RMDN2: variants seen among roughly 807,000 people sequenced by gnomAD.
RMDN2 encodes regulator of microtubule dynamics 2, also known as regulator of microtubule dynamics protein 2.
Under a neutral mutation model 52.8 loss-of-function variants are expected in RMDN2, and 61 were observed. The observed-to-expected ratio is 1.16, with a 90% CI of 0.94 to 1.43. The LOEUF (loss-of-function observed/expected upper bound fraction) is 1.43, where lower values mean the gene tolerates loss of function less well. Among genes scored for constraint, RMDN2 ranks in the 40% most tolerant of loss-of-function variants. The pLI, the probability that RMDN2 is intolerant of heterozygous loss-of-function variation, is 0.00. For synonymous variants in RMDN2, 180 were observed against 153.1 expected, an observed-to-expected ratio of 1.18 and a Z score of -1.30; for missense variants, 592 against 475.3, an observed-to-expected ratio of 1.25 and a Z score of -2.28.
upstream of RMDN2, among the ~76,000 whole-genome samples, chr2:37,921,519 G>A (rs1666031209): frequency 6.6e-6 from 1 of 152,160 alleles, no homozygotes; most frequent in Non-Finnish European, 1.5e-5. Context: ...CCCCCCATGG[G>A]GCAAATGATC....
intron 2 of RMDN2, among the ~76,000 whole-genome samples, chr2:37,940,929 C>T (rs1231363158): frequency 1.3e-5 from 2 of 152,122 alleles, no homozygotes; most frequent in African/African-American, 4.8e-5. Flanking sequence ...AGTTTTGTTC[C>T]CTTGCTGGTG....
chr2:37,996,459 C>T (rs1198646063), intron 7 of RMDN2, among the ~76,000 whole-genome samples: 1 of 151,852 alleles, frequency 6.6e-6, no homozygotes, highest in East Asian at 1.9e-4. Flanking sequence ...GTGATGCACA[C>T]CTGTAGTTCC....
rs1666554999 is a variant in RMDN2, at chr2:37,929,574, T to C, written c.297T>C (p.Ala99=). The C allele has an allele frequency of 6.4e-7, 1 of 1,551,796 alleles. No individual in the cohort carries two copies. The highest frequency in any genetic ancestry group is 2.0e-5 in the Admixed American group (1 of 50,990). ...LKEEIRFLKE[A]IPKLEEYIQD... ...AGGAAATCAGATTTCTTAAAGAAGC[T>C]ATTCCAAAGCTGGAGGAATATATAC... Residue 99 remains alanine (A), a synonymous_variant, in exon 2 of 11, where the codon GCT becomes GCC. Coordinates refer to ENST00000354545, the MANE Select transcript of RMDN2 (RefSeq NM_001170791.3).
upstream of RMDN2, among the ~76,000 whole-genome samples, chr2:37,922,218 T>C (rs568105149): frequency 1.4e-4 from 21 of 152,310 alleles, no homozygotes; most frequent in African/African-American, 4.6e-4. Context: ...GGGGATTTCA[T>C]AGTGGTACTA....
At chr2:37,921,901 G>C (rs1213635508), upstream of RMDN2, among the ~76,000 whole-genome samples, 2 of 152,168 alleles carry the variant, frequency 1.3e-5, no homozygotes, top group Non-Finnish European at 2.9e-5. Flanking sequence ...CTTGAAAACT[G>C]TGTAGAAGAC....
chr2:37,931,829 G>A (rs975440456), intron 2 of RMDN2, among the ~76,000 whole-genome samples: 3 of 152,168 alleles, frequency 2.0e-5, no homozygotes, highest in African/African-American at 4.8e-5. Context: ...ACTGATGTCA[G>A]GAGAGACATT....
intron 1 of RMDN2, 183 bp from the exon 2 acceptor site, chr2:37,929,079 G>A (rs776948419): frequency 1.5e-5 from 7 of 462,030 alleles, no homozygotes; most frequent in Non-Finnish European, 1.9e-5. Context: ...ATTCTTCATT[G>A]TAATCTAAGA....
chr2:37,946,553 G>T (rs1412393357), intron 2 of RMDN2, among the ~76,000 whole-genome samples: 14 of 152,174 alleles, frequency 9.2e-5, no homozygotes, highest in Admixed American at 9.2e-4. Context: ...TGAAGTATTT[G>T]CATTAATGAT....
intron 2 of RMDN2, among the ~76,000 whole-genome samples, chr2:37,945,349 C>G (rs912996357): frequency 6.6e-6 from 1 of 152,206 alleles, no homozygotes; most frequent in Non-Finnish European, 1.5e-5. Flanking sequence ...ACAGTGGTAA[C>G]AAAGCCCTTG....
chr2:38,025,074 A>G (rs1679676796), intron 10 of RMDN2, among the ~76,000 whole-genome samples: 2 of 152,070 alleles, frequency 1.3e-5, no homozygotes, highest in African/African-American at 4.8e-5. Flanking sequence ...AGTGGTTGTG[A>G]TTTTTGATTG....
intron 10 of RMDN2, among the ~76,000 whole-genome samples, chr2:38,032,017 C>T (rs1680245176): frequency 6.6e-6 from 1 of 152,010 alleles, no homozygotes; most frequent in East Asian, 1.9e-4. Flanking sequence ...AGTGAGTGCT[C>T]TCTCTCTCTC....
intron 10 of RMDN2, among the ~76,000 whole-genome samples, chr2:38,037,814 C>T (rs1290589079): frequency 6.6e-6 from 1 of 152,202 alleles, no homozygotes; most frequent in Admixed American, 6.5e-5. Context: ...ATCCATTCCA[C>T]AAGGCCGTGA....
intron 2 of RMDN2, among the ~76,000 whole-genome samples, chr2:37,930,009 C>G (rs577175252): frequency 6.6e-6 from 1 of 152,240 alleles, no homozygotes; most frequent in Admixed American, 6.5e-5. Context: ...AGTGTATAAC[C>G]TACTGTTTTA....
At chr2:37,965,099 T>A (rs1670857755) in intron 2 of RMDN2, among the ~76,000 whole-genome samples, 1 of 152,170 alleles carries the variant, frequency 6.6e-6, no homozygotes, top group African/African-American at 2.4e-5. Context: ...TCCTTCCATA[T>A]TCAACATATG....
chr2:37,936,403 A>G (rs1667290259), intron 2 of RMDN2, among the ~76,000 whole-genome samples: 1 of 152,184 alleles, frequency 6.6e-6, no homozygotes, highest in Non-Finnish European at 1.5e-5. Flanking sequence ...CTTTGGGTAT[A>G]TACCCCGTAA....
rs1287523645 is a variant in RMDN2, at chr2:37,974,894, A to G, written c.628-318A>G. The G allele has an allele frequency of 2.4e-5, 6 of 254,318 alleles. No homozygotes were observed. The South Asian group carries it at 3.5e-4, about 15-fold the overall frequency. The allele number at this position is 254,318 out of a possible 1,614,324, so 15.8% of individuals were successfully genotyped here. A position where few individuals can be genotyped will look rare whatever the true frequency, so the allele number is the denominator to read the frequency against. On this transcript the variant is annotated intron_variant, in intron 3 of 10. Coordinates refer to ENST00000354545, the MANE Select transcript of RMDN2 (RefSeq NM_001170791.3). ...AATAGATAACTTGGAAAGGAAAAGA[A>G]GAAAAGGATGCCACAGCTCAGGAAG...
chr2:37,959,155 T>A (rs1237408252), intron 2 of RMDN2, among the ~76,000 whole-genome samples: 1 of 151,094 alleles, frequency 6.6e-6, no homozygotes, highest in African/African-American at 2.5e-5. Context: ...ATCAGGATGA[T>A]GCTGGCCTCA....
intron 10 of RMDN2, chr2:38,066,957 T>C (rs1682309909): frequency 6.2e-7 from 1 of 1,613,520 alleles, no homozygotes; most frequent in Admixed American, 1.7e-5. Context: ...AATTTTTACT[T>C]CTTTTCCTGT....
chr2:38,030,250 C>T (rs895914376), intron 10 of RMDN2: 2 of 152,192 alleles, frequency 1.3e-5, no homozygotes, highest in African/African-American at 4.8e-5. Context: ...TTATTTTTTA[C>T]TGTTACACCC....
Sources: gnomAD v4.1 joint callset for allele counts (sites outside exome capture counted in the v4.1 genomes callset) on GRCh38, gnomAD v4.1.1 for gene constraint, MANE v1.5 for transcripts, NCBI Gene and HGNC (gene_info 2026-07-23, HGNC 2026-07-21) for gene names.